The following PITPNB variants were observed in gnomAD, a reference collection of about 807,000 sequenced individuals.
The protein encoded by PITPNB is phosphatidylinositol transfer protein beta isoform.
In PITPNB, 16 loss-of-function variants were observed where a neutral mutation model predicts 45.9. The observed-to-expected ratio is 0.35, with a 90% CI of 0.24 to 0.53. The LOEUF (loss-of-function observed/expected upper bound fraction) is 0.53. Ranked by LOEUF, PITPNB falls within the 20% of genes least tolerant of loss-of-function variation. The pLI is 0.93. For synonymous variants in PITPNB, 112 were observed against 108.9 expected (o/e 1.03, Z -0.18); for missense variants, 188 against 330.5 (o/e 0.57, Z 3.34).
At chr22:27,891,596 T>C (rs772231479) in intron 7 of PITPNB, among the ~76,000 whole-genome samples, 9 of 152,182 alleles carry the variant, frequency 5.9e-5, no homozygotes, top group Non-Finnish European at 8.8e-5. Flanking sequence ...GGGAGGTGAC[T>C]GGACCATGGG....
intron 7 of PITPNB, among the ~76,000 whole-genome samples, chr22:27,884,726 ATTCAT>A (rs1935067511): frequency 6.6e-6 from 1 of 152,120 alleles, no homozygotes; most frequent in Non-Finnish European, 1.5e-5. Flanking sequence ...TTTAAATTTG[ATTCAT>A]TTCAATATTA....
chr22:27,884,181 C>T (rs1475668575), intron 7 of PITPNB, among the ~76,000 whole-genome samples: 3 of 152,102 alleles, frequency 2.0e-5, no homozygotes, highest in African/African-American at 7.2e-5. Context: ...AGGAGGGCTG[C>T]AGCACTCGAA....
rs1258716424 is a variant in PITPNB at position 27,853,091 on chromosome 22, C to T, written c.*611G>A. On this transcript the variant is annotated 3_prime_UTR_variant, in exon 12 of 12. Coordinates refer to ENST00000335272, the MANE Select transcript of PITPNB (RefSeq NM_012399.5). Reference sequence around the variant, plus strand: ...AGAAATAAATAGTTATAAATACATTCAGAGTTTACATCCCAGATTCATTGG... The same window carrying T: ...AGAAATAAATAGTTATAAATACATTTAGAGTTTACATCCCAGATTCATTGG... 1 of 152,488 alleles carries T rather than the reference C, an allele frequency of 6.6e-6. No homozygotes were observed. Among genetic ancestry groups the T allele is most frequent in the African/African-American group, 2.4e-5 (1 of 41,416 alleles). 9.4% of individuals were successfully genotyped at this position (152,488 alleles called of 1,614,324 possible). A position where few individuals can be genotyped will look rare whatever the true frequency, so the allele number is the denominator to read the frequency against.
chr22:27,874,311 G>C (rs1934754769), intron 7 of PITPNB, among the ~76,000 whole-genome samples: 1 of 152,194 alleles, frequency 6.6e-6, no homozygotes, highest in African/African-American at 2.4e-5. Context: ...AGCTGGGTCT[G>C]TGGTGGACAT....
intron 7 of PITPNB, among the ~76,000 whole-genome samples, chr22:27,878,237 T>C (rs577064044): frequency 1.3e-5 from 2 of 152,306 alleles, no homozygotes; most frequent in African/African-American, 4.8e-5. Context: ...CATCATTTAT[T>C]AGCACTGCCC....
chr22:27,862,866 G>A (rs936662804), intron 8 of PITPNB, among the ~76,000 whole-genome samples: 3 of 152,152 alleles, frequency 2.0e-5, no homozygotes, highest in Non-Finnish European at 2.9e-5. Context: ...GCTGGCTTGG[G>A]CTAAAATCAA....
At chr22:27,892,359 C>A (rs781093894) in intron 7 of PITPNB, among the ~76,000 whole-genome samples, 35 of 152,196 alleles carry the variant, frequency 2.3e-4, no homozygotes, top group Non-Finnish European at 1.9e-4. Context: ...AATTTTTATG[C>A]CTCCAGCAAA....
At chr22:27,871,958 C>T (rs569739700) in intron 8 of PITPNB, among the ~76,000 whole-genome samples, 1 of 152,152 alleles carries the variant, frequency 6.6e-6, no homozygotes, top group East Asian at 1.9e-4. Flanking sequence ...CCACTTCCAC[C>T]ATGTGAGACG....
chr22:27,881,517 GTC>G (rs546579854), intron 7 of PITPNB, among the ~76,000 whole-genome samples: 255 of 152,316 alleles, frequency 1.7e-3, no homozygotes, highest in Non-Finnish European at 3.0e-3. Context: ...GATCAAGTGT[GTC>G]TCTGCTCATG....
intron 3 of PITPNB, among the ~76,000 whole-genome samples, chr22:27,909,975 G>C (rs150406293): frequency 6.9e-6 from 1 of 144,054 alleles, no homozygotes; most frequent in Non-Finnish European, 1.5e-5. Context: ...TTTTTGAGAC[G>C]GAGTCTCGCT....
chr22:27,872,338 C>T (rs917008976), intron 8 of PITPNB, among the ~76,000 whole-genome samples: 2 of 151,986 alleles, frequency 1.3e-5, no homozygotes, highest in African/African-American at 4.8e-5. Context: ...AAGTGATCCA[C>T]CCACCTCAGC....
At chr22:27,900,212 TAAAA>T (rs71316826) in intron 3 of PITPNB, among the ~76,000 whole-genome samples, 1 of 114,606 alleles carries the variant, frequency 8.7e-6, no homozygotes, top group African/African-American at 3.3e-5. Context: ...AAATAAAAAA[TAAAA>T]AAAAAAAAAG....
At chr22:27,898,098 G>A in intron 3 of PITPNB, 1 of 504,560 alleles carries the variant, frequency 2.0e-6, no homozygotes, top group Non-Finnish European at 3.6e-6. Context: ...ATATTTAGCT[G>A]GGTATGGTGG....
At chr22:27,918,862 G>A (rs953169289) in intron 1 of PITPNB, among the ~76,000 whole-genome samples, 3 of 152,146 alleles carry the variant, frequency 2.0e-5, no homozygotes, top group Admixed American at 6.5e-5. Context: ...GCCTGGGGGT[G>A]GGGGGTTGGG....
chr22:27,894,448 CAAGA>C (rs994918375), intron 7 of PITPNB, 103 bp downstream of exon 7: 2 of 668,322 alleles, frequency 3.0e-6, no homozygotes, highest in East Asian at 2.6e-5. Context: ...GTAGGCCATA[CAAGA>C]AAGAAAGGAA....
chr22:27,870,398 G>T lies in PITPNB; in HGVS notation c.534+3340C>A, dbSNP rs141763179. ...CAGACAAGTAAGGAAAAGTTTCAAA[G>T]AAATCATAGGATTTGCATTTAGCTT... On this transcript the variant is annotated intron_variant, in intron 8 of 11. Transcript: ENST00000335272. 1.5e-4 allele frequency among the ~76,000 whole-genome samples: 23 copies of T among 152,314 alleles called. No individual in the cohort carries two copies. In the East Asian group the frequency reaches 3.9e-3, roughly 26 times the overall value.
intron 3 of PITPNB, among the ~76,000 whole-genome samples, chr22:27,903,236 G>A (rs527882917): frequency 1.2e-4 from 18 of 152,132 alleles, no homozygotes; most frequent in Non-Finnish European, 2.4e-4. Context: ...TTAGGAGGCC[G>A]AGGAGGGTAG....
chr22:27,909,202 T>C (rs1935846381), intron 3 of PITPNB, among the ~76,000 whole-genome samples: 2 of 145,364 alleles, frequency 1.4e-5, no homozygotes, highest in Non-Finnish European at 1.5e-5. Context: ...TAAATACTGG[T>C]AGTACTTTTT....
chr22:27,895,136 CATTT>C (rs1448291046), intron 6 of PITPNB, among the ~76,000 whole-genome samples: 1 of 152,172 alleles, frequency 6.6e-6, no homozygotes, highest in Non-Finnish European at 1.5e-5. Flanking sequence ...GTTGATCAAT[CATTT>C]ATTTCTGAAA....
Sources: gnomAD v4.1 joint callset for allele counts (sites outside exome capture counted in the v4.1 genomes callset) on GRCh38, gnomAD v4.1.1 for gene constraint, MANE v1.5 for transcripts, NCBI Gene and HGNC (gene_info 2026-07-23, HGNC 2026-07-21) for gene names.